ROBO1: variants seen among roughly 807,000 people sequenced by gnomAD.
ROBO1 encodes the protein roundabout homolog 1.
ROBO1 carries 149 observed loss-of-function variants against 195.9 expected under a neutral mutation model. That is an observed-to-expected ratio of 0.76 (90% CI 0.67 to 0.87). The LOEUF (loss-of-function observed/expected upper bound fraction) is 0.87. Ranked by LOEUF, ROBO1 falls within the 40% of genes least tolerant of loss-of-function variation. The pLI is 0.00. For missense variants in ROBO1, 1,933 were observed against 2,068.3 expected, an observed-to-expected ratio of 0.93 and a Z score of 1.27; for synonymous variants, 816 against 733.2, an observed-to-expected ratio of 1.11 and a Z score of -1.82.
chr3:79,077,823 T>A (rs2079199830), intron 3 of ROBO1, among the ~76,000 whole-genome samples: 1 of 151,848 alleles, frequency 6.6e-6, no homozygotes, highest in Non-Finnish European at 1.5e-5. Flanking sequence ...TTTTCCATAG[T>A]CCTAAAATTT....
chr3:78,603,664 C>T (rs1703302764), intron 29 of ROBO1, among the ~76,000 whole-genome samples: 1 of 152,252 alleles, frequency 6.6e-6, no homozygotes, highest in Admixed American at 6.5e-5. Context: ...TCATTATACA[C>T]ATAAATCAGG....
intron 3 of ROBO1, among the ~76,000 whole-genome samples, chr3:79,063,739 T>A (rs1441791245): frequency 2.6e-5 from 4 of 151,908 alleles, no homozygotes; most frequent in African/African-American, 9.7e-5. Context: ...ATTTGTGACA[T>A]AGTTATTAAA....
chr3:79,119,872 G>A (rs2080084154), intron 3 of ROBO1, among the ~76,000 whole-genome samples: 1 of 151,944 alleles, frequency 6.6e-6, no homozygotes, highest in African/African-American at 2.4e-5. Context: ...CTGGGTTCCA[G>A]TGATTCTCCT....
intron 1 of ROBO1, among the ~76,000 whole-genome samples, chr3:79,734,205 C>T (rs184736632): frequency 3.1e-4 from 47 of 152,248 alleles, no homozygotes; most frequent in Admixed American, 2.7e-3. Flanking sequence ...CCTCGGCCTC[C>T]CAAAGTGCTG....
At chr3:78,719,116 A>AT (rs1379982714) in intron 5 of ROBO1, among the ~76,000 whole-genome samples, 9 of 151,988 alleles carry the variant, frequency 5.9e-5, no homozygotes, top group South Asian at 4.2e-4. Flanking sequence ...TTAGAACTTG[A>AT]TTTTTTTTCA....
At chr3:79,694,163 G>T (rs985056368) in intron 1 of ROBO1, among the ~76,000 whole-genome samples, 4 of 151,652 alleles carry the variant, frequency 2.6e-5, no homozygotes, top group African/African-American at 9.7e-5. Flanking sequence ...ACAACACTCT[G>T]GAATGATGGG....
chr3:78,699,890 G>C lies in ROBO1; in HGVS notation c.1046-11118C>G, dbSNP rs2081382921. On this transcript the variant is annotated intron_variant, in intron 8 of 30. Transcript: ENST00000464233. Reference sequence around the variant, plus strand: ...ATTACTATTCAGTCTTTAGAGCTCAGTTAAAAAATTACTTTTTCAAGAAAT... The same window carrying C: ...ATTACTATTCAGTCTTTAGAGCTCACTTAAAAAATTACTTTTTCAAGAAAT... 1.3e-5 allele frequency among the ~76,000 whole-genome samples: 2 copies of C among 151,906 alleles called. 1 individual carries two copies. Among genetic ancestry groups the C allele is most frequent in the Admixed American group, 1.3e-4 (2 of 15,238 alleles).
chr3:79,269,890 T>G (rs2030364070), intron 2 of ROBO1, among the ~76,000 whole-genome samples: 1 of 151,762 alleles, frequency 6.6e-6, no homozygotes, highest in Non-Finnish European at 1.5e-5. Flanking sequence ...TACTTCGGTG[T>G]ACCATCCTGG....
intron 3 of ROBO1, among the ~76,000 whole-genome samples, chr3:79,066,107 C>G (rs956940919): frequency 6.6e-6 from 1 of 151,872 alleles, no homozygotes; most frequent in Non-Finnish European, 1.5e-5. Flanking sequence ...CAGGAACATA[C>G]TGAGCTACAA....
At chr3:79,501,267 C>G (rs1037511160) in intron 2 of ROBO1, among the ~76,000 whole-genome samples, 1 of 152,184 alleles carries the variant, frequency 6.6e-6, no homozygotes, top group Non-Finnish European at 1.5e-5. Flanking sequence ...TGTTTGCCTA[C>G]CTCTGCCCTA....
intron 3 of ROBO1, among the ~76,000 whole-genome samples, chr3:78,987,320 C>T (rs2077132015): frequency 6.6e-6 from 1 of 151,834 alleles, no homozygotes; most frequent in African/African-American, 2.4e-5. Context: ...TACAAAACCA[C>T]AATAAAGTAA....
In ROBO1 at chr3:78,714,394, T is replaced by C. The variant is rs921424119; in HGVS notation, c.1045+3A>G. On this transcript the variant is annotated splice_donor_region_variant and intron_variant, in intron 8 of 30. Coordinates refer to ENST00000464233, the MANE Select transcript of ROBO1 (RefSeq NM_002941.4). ...CCAAAACAAAGCCTTTCCCAATGCC[T>C]ACCTTGAACAGTCAGAGTAGCAGAT... The C allele has an allele frequency of 5.6e-6, 9 of 1,607,534 alleles. No individual in the cohort carries two copies. The African/African-American group carries it at 9.4e-5, about 17-fold the overall frequency.
At chr3:79,481,330 C>CT in intron 2 of ROBO1, among the ~76,000 whole-genome samples, 1 of 152,132 alleles carries the variant, frequency 6.6e-6, no homozygotes, top group South Asian at 2.1e-4. Context: ...TTTTTGTAAA[C>CT]TATGTGATTT....
At chr3:79,052,476 G>A (rs748493788) in intron 3 of ROBO1, among the ~76,000 whole-genome samples, 3 of 152,018 alleles carry the variant, frequency 2.0e-5, no homozygotes, top group African/African-American at 4.8e-5. Flanking sequence ...CTCTGCCCGT[G>A]TGATATTTTA....
intron 2 of ROBO1, among the ~76,000 whole-genome samples, chr3:79,253,759 G>A (rs944151092): frequency 7.2e-5 from 11 of 152,216 alleles, no homozygotes; most frequent in East Asian, 1.9e-4. Context: ...AGAGAGTAGC[G>A]TGAGTATATC....
intron 3 of ROBO1, among the ~76,000 whole-genome samples, chr3:78,964,368 G>C (rs887833155): frequency 6.6e-6 from 1 of 152,162 alleles, no homozygotes; most frequent in African/African-American, 2.4e-5. Context: ...TGGAAAACGT[G>C]TCTCAAATGG....
At chr3:79,675,145 C>T (rs182025002) in intron 1 of ROBO1, among the ~76,000 whole-genome samples, 56 of 151,960 alleles carry the variant, frequency 3.7e-4, no homozygotes, top group African/African-American at 1.2e-3. Flanking sequence ...CAACATTAAA[C>T]GTGCATTTGG....
intron 8 of ROBO1, among the ~76,000 whole-genome samples, chr3:78,711,344 CTTCCTCCTTCCTTCCTTCCTTCCTTCCT>C (rs1381338527): frequency 1.2e-5 from 1 of 84,130 alleles, no homozygotes; most frequent in Non-Finnish European, 2.2e-5. Context: ...TCCTTCCTTC[CTTCCTCCTTCCTTCCTTCCTTCCTTCCT>C]TCCTTCCTTC....
Position 79,633,836 on chromosome 3 carries a change from C to T in ROBO1, c.-50-43875G>A, listed in dbSNP as rs544049790. Among the ~76,000 whole-genome samples, 14 of 152,014 alleles carry T rather than the reference C, an allele frequency of 9.2e-5. No individual in the cohort carries two copies. The East Asian group carries it at 2.7e-3, about 30-fold the overall frequency. The stretch of plus-strand genomic sequence containing the variant: ...AAAAATCTTTCTTGTTTGGTAAAAG[C>T]TCCAGCTTCAGCCACTGAAGCTGTG... On this transcript the variant is annotated intron_variant, in intron 1 of 30. Coordinates refer to ENST00000464233, the MANE Select transcript of ROBO1 (RefSeq NM_002941.4).
Sources: allele counts gnomAD v4.1 joint callset (sites outside exome capture counted in the v4.1 genomes callset), GRCh38; gene constraint gnomAD v4.1.1; transcripts MANE v1.5; gene names NCBI Gene and HGNC (gene_info 2026-07-23, HGNC 2026-07-21).